R3HDM2: variants seen among roughly 807,000 people sequenced by gnomAD.
The protein encoded by R3HDM2 is R3H domain-containing protein 2.
R3HDM2 carries 38 observed loss-of-function variants against 124.5 expected under a neutral mutation model. The observed-to-expected ratio is 0.31, with a 90% confidence interval of 0.24 to 0.40. R3HDM2 has a LOEUF of 0.40. Among genes scored for constraint, R3HDM2 ranks in the 10% least tolerant of loss-of-function variants. The pLI, the probability that R3HDM2 is intolerant of heterozygous loss-of-function variation, is 1.00. For missense variants in R3HDM2, 869 were observed against 1,236.9 expected (o/e 0.70, Z 4.46); for synonymous variants, 391 against 448.0 (o/e 0.87, Z 1.61).
chr12:57,422,310 G>A lies in R3HDM2; in HGVS notation c.-106+8410C>T, dbSNP rs187012557. ...GCTTTCATAGTTTAAGACAAAACTC[G>A]AACTTTTTAGCCTATCAAATAAGGA... On this transcript the variant is annotated intron_variant, in intron 1 of 23. Coordinates refer to ENST00000402412, the MANE Select transcript of R3HDM2 (RefSeq NM_001394031.1). Among the ~76,000 whole-genome samples the A allele has an allele frequency of 5.9e-5, 9 of 152,068 alleles. No individual in the cohort carries two copies. The East Asian group carries it at 1.5e-3, about 26-fold the overall frequency.
chr12:57,409,863 T>C (rs1484457866), intron 1 of R3HDM2, among the ~76,000 whole-genome samples: 1 of 152,208 alleles, frequency 6.6e-6, no homozygotes, highest in African/African-American at 2.4e-5. Context: ...AAAGAAAACA[T>C]GTCCCTCCCT....
chr12:57,293,079 C>A (rs1191536696), intron 10 of R3HDM2, among the ~76,000 whole-genome samples: 2 of 152,124 alleles, frequency 1.3e-5, no homozygotes, highest in African/African-American at 4.8e-5. Context: ...AGGTGTTTAG[C>A]AGAGCTGAAC....
chr12:57,422,093 CAAAAAAAA>C (rs35439340), intron 1 of R3HDM2, among the ~76,000 whole-genome samples: 350 of 74,370 alleles, frequency 4.7e-3, no homozygotes, highest in African/African-American at 0.017. Flanking sequence ...CTCCGCCTAG[CAAAAAAAA>C]AAAAAAAAAA....
At chr12:57,320,828 G>C (rs1195796053) in intron 2 of R3HDM2, among the ~76,000 whole-genome samples, 1 of 152,020 alleles carries the variant, frequency 6.6e-6, no homozygotes, top group Non-Finnish European at 1.5e-5. Context: ...GTTAGATAGG[G>C]GATATTCAGA....
chr12:57,413,921 C>G (rs1409177288), intron 1 of R3HDM2, among the ~76,000 whole-genome samples: 1 of 143,184 alleles, frequency 7.0e-6, no homozygotes, highest in Non-Finnish European at 1.5e-5. Context: ...TCTCAGCTCA[C>G]TGCAACCTCC....
intron 2 of R3HDM2, among the ~76,000 whole-genome samples, chr12:57,386,707 C>T (rs1211915259): frequency 2.0e-5 from 3 of 152,238 alleles, no homozygotes; most frequent in Non-Finnish European, 4.4e-5. Context: ...GTGCAGGATC[C>T]ACTGGGTGAA....
At chr12:57,394,848 A>G (rs2067247494) in intron 2 of R3HDM2, among the ~76,000 whole-genome samples, 1 of 152,232 alleles carries the variant, frequency 6.6e-6, no homozygotes, top group South Asian at 2.1e-4. Context: ...CTAGTTATAC[A>G]TATTTAACTT....
intron 2 of R3HDM2, among the ~76,000 whole-genome samples, chr12:57,358,162 T>C (rs1335489612): frequency 6.6e-6 from 1 of 151,808 alleles, no homozygotes; most frequent in Non-Finnish European, 1.5e-5. Flanking sequence ...TTTTTTTCTA[T>C]TTTTAGTAGA....
At chr12:57,346,683 AATG>A (rs1160751555) in intron 2 of R3HDM2, among the ~76,000 whole-genome samples, 1 of 152,234 alleles carries the variant, frequency 6.6e-6, no homozygotes, top group Non-Finnish European at 1.5e-5. Flanking sequence ...ACAAAAAGAA[AATG>A]ATAATACAAC....
In R3HDM2 at chr12:57,395,833, G is replaced by GA; in HGVS notation, c.-105-16_-105-15insT. 4 of 979,838 alleles carry GA rather than the reference G, an allele frequency of 4.1e-6. No homozygotes were observed. The highest frequency in any genetic ancestry group is 4.8e-6 in the Non-Finnish European group (4 of 826,074). 60.7% of individuals were successfully genotyped at this position (979,838 alleles called of 1,614,324 possible). A position where few individuals can be genotyped will look rare whatever the true frequency, so the allele number is the denominator to read the frequency against. On this transcript the variant is annotated splice_polypyrimidine_tract_variant and intron_variant, in intron 1 of 23. Transcript: ENST00000402412. ...AAGTCTAACCTCTGGGGGAGGAGGG[G>GA]GAAAAAAAAAAACAAGTTAAAAGCA...
At chr12:57,421,528 C>T (rs928624609) in intron 1 of R3HDM2, among the ~76,000 whole-genome samples, 5 of 145,312 alleles carry the variant, frequency 3.4e-5, no homozygotes, top group East Asian at 2.0e-4. Flanking sequence ...TAGTAAAAGA[C>T]AGGGTCTCAC....
In R3HDM2 at chr12:57,283,869, T is replaced by A. The variant is rs750868851; in HGVS notation, c.1126A>T (p.Ile376Phe). ...GISILTRGDS[I>F]GSSKGGSAGR... ...GCACTGCCGCCTTTACTGCTGCCGA[T>A]GCTGTCACCTCGGGTAAGGATAGAG... Residue 376 changes from isoleucine to phenylalanine, a missense_variant, in exon 13 of 24, where the codon ATC (isoleucine) becomes TTC (phenylalanine). Transcript: ENST00000402412. 65 of 1,614,090 alleles carry A rather than the reference T, an allele frequency of 4.0e-5. No homozygotes were observed. The highest frequency in any genetic ancestry group is 5.2e-5 in the Non-Finnish European group (61 of 1,180,050).
chr12:57,298,591 T>C (rs2050397477), intron 6 of R3HDM2, among the ~76,000 whole-genome samples: 1 of 152,028 alleles, frequency 6.6e-6, no homozygotes, highest in South Asian at 2.1e-4. Context: ...TTATGGACTA[T>C]GTCTTTTTGC....
intron 2 of R3HDM2, among the ~76,000 whole-genome samples, chr12:57,366,601 A>C (rs533538613): frequency 6.6e-6 from 1 of 152,232 alleles, no homozygotes; most frequent in East Asian, 1.9e-4. Context: ...ATACCTGATA[A>C]TTTGTGACCA....
chr12:57,372,676 A>T (rs1040240041), intron 2 of R3HDM2, among the ~76,000 whole-genome samples: 12 of 152,204 alleles, frequency 7.9e-5, no homozygotes, highest in African/African-American at 2.7e-4. Flanking sequence ...TTAAAAAATA[A>T]GGGATTAAAA....
intron 2 of R3HDM2, among the ~76,000 whole-genome samples, chr12:57,366,233 C>A (rs1385580841): frequency 6.6e-6 from 1 of 152,086 alleles, no homozygotes; most frequent in Non-Finnish European, 1.5e-5. Flanking sequence ...TGGTTCACTG[C>A]AGCCTTGAAT....
intron 5 of R3HDM2, 96 bp downstream of exon 5, chr12:57,299,999 T>A: frequency 2.1e-6 from 2 of 946,634 alleles, no homozygotes; most frequent in Non-Finnish European, 3.3e-6. Flanking sequence ...CCTTCTACCC[T>A]GATTTTCAAG....
intron 13 of R3HDM2, among the ~76,000 whole-genome samples, chr12:57,282,858 T>C (rs1456428307): frequency 6.6e-6 from 1 of 152,192 alleles, no homozygotes; most frequent in Non-Finnish European, 1.5e-5. Context: ...TGATGTCTTC[T>C]GAGGATAACT....
intron 2 of R3HDM2, among the ~76,000 whole-genome samples, chr12:57,334,396 G>GC (rs2058598135): frequency 6.6e-6 from 1 of 151,758 alleles, no homozygotes; most frequent in East Asian, 1.9e-4. Context: ...CTGTTCATTG[G>GC]CCCCTGGGTC....
Sources: allele counts gnomAD v4.1 joint callset (sites outside exome capture counted in the v4.1 genomes callset), GRCh38; gene constraint gnomAD v4.1.1; transcripts MANE v1.5; gene names NCBI Gene and HGNC (gene_info 2026-07-23, HGNC 2026-07-21).